Variants in FANK1 observed in about 807,000 individuals in gnomAD.
FANK1 encodes fibronectin type III and ankyrin repeat domains 1.
A neutral mutation model predicts 45.3 loss-of-function variants in FANK1; 44 were observed. The ratio of observed to expected loss-of-function variants is 0.97; its 90% CI spans 0.76 to 1.25. The LOEUF (loss-of-function observed/expected upper bound fraction) is 1.25, where lower values mean the gene tolerates loss of function less well. Ranked by LOEUF, FANK1 falls within the 50% of genes most tolerant of loss-of-function variation. The probability of loss-of-function intolerance (pLI) is 0.00; values close to 1 mark genes in which losing one functional copy is unlikely to be tolerated. For missense variants in FANK1, 391 were observed against 424.4 expected, an observed-to-expected ratio of 0.92 and a Z score of 0.69; for synonymous variants, 149 against 152.5, an observed-to-expected ratio of 0.98 and a Z score of 0.17.
rs1951984607 is a variant in FANK1 at position 125,992,062 on chromosome 10, A to G, written c.317-3355A>G. On this transcript the variant is annotated intron_variant, in intron 3 of 10. Transcript: ENST00000368693. Reference sequence around the variant, plus strand: ...GCAACACTCAGGGTAAAACACTAGAAAAACCCGCAGAGCAATGGCCGGCCT... The same window carrying G: ...GCAACACTCAGGGTAAAACACTAGAGAAACCCGCAGAGCAATGGCCGGCCT... Among the ~76,000 whole-genome samples, 5 of 152,196 alleles carry G rather than the reference A, an allele frequency of 3.3e-5. No individual in the cohort carries two copies. The South Asian group carries it at 1.0e-3, about 31-fold the overall frequency.
chr10:125,933,749 C>G (rs1483557775), intron 1 of FANK1, among the ~76,000 whole-genome samples: 1 of 152,052 alleles, frequency 6.6e-6, no homozygotes, highest in African/African-American at 2.4e-5. Context: ...CTTTTTCAAT[C>G]TTTTTGATTT....
intron 1 of FANK1, among the ~76,000 whole-genome samples, chr10:125,904,765 T>G (rs1275849179): frequency 6.6e-6 from 1 of 152,212 alleles, no homozygotes; most frequent in Non-Finnish European, 1.5e-5. Context: ...TTTAGACTAC[T>G]TTTGGTATCA....
At chr10:125,967,611 T>C (rs547525587) in intron 1 of FANK1, among the ~76,000 whole-genome samples, 2 of 152,316 alleles carry the variant, frequency 1.3e-5, no homozygotes, top group African/African-American at 4.8e-5. Flanking sequence ...TATTCATTTA[T>C]TTATTTTTTT....
In FANK1 at chr10:125,973,358, G is replaced by A. The variant is rs3740188; in HGVS notation, c.14-6803G>A. 231 of 834,226 alleles carry A rather than the reference G, an allele frequency of 2.8e-4. 1 individual carries two copies. Among genetic ancestry groups the A allele is most frequent in the Middle Eastern group, 6.1e-4 (1 of 1,640 alleles). The allele number at this position is 834,226 out of a possible 1,614,324, so 51.7% of individuals were successfully genotyped here. ...TAATCCATAACAGTCTACCATTCCT[G>A]GTGTTTGGTTTTAGTGGGCTGTGAA... On this transcript the variant is annotated intron_variant, in intron 1 of 10. Coordinates refer to ENST00000368693, the MANE Select transcript of FANK1 (RefSeq NM_145235.5).
At chr10:125,918,585 A>AAAT (rs1554913277) in intron 1 of FANK1, among the ~76,000 whole-genome samples, 26 of 70,976 alleles carry the variant, frequency 3.7e-4, no homozygotes, top group African/African-American at 1.3e-3. Flanking sequence ...AAAAAAAAAA[A>AAAT]ATATATATAT....
At chr10:125,940,958 A>T (rs1053088252) in intron 1 of FANK1, among the ~76,000 whole-genome samples, 11 of 152,250 alleles carry the variant, frequency 7.2e-5, no homozygotes, top group Non-Finnish European at 1.2e-4. Context: ...GGCTAAAGTT[A>T]CAGATTAATA....
At chr10:125,999,051 C>CAT (rs1952555121) in intron 6 of FANK1, among the ~76,000 whole-genome samples, 1 of 152,148 alleles carries the variant, frequency 6.6e-6, no homozygotes, top group Non-Finnish European at 1.5e-5. Context: ...CTCTTCCATC[C>CAT]CTCCTATGAG....
At chr10:125,914,011 C>T (rs1054786884) in intron 1 of FANK1, among the ~76,000 whole-genome samples, 1 of 152,090 alleles carries the variant, frequency 6.6e-6, no homozygotes, top group African/African-American at 2.4e-5. Flanking sequence ...TCTCCTTCTC[C>T]ACCCAGCAGT....
intron 1 of FANK1, among the ~76,000 whole-genome samples, chr10:125,912,108 G>C (rs1946059973): frequency 6.6e-6 from 1 of 152,186 alleles, no homozygotes; most frequent in South Asian, 2.1e-4. Flanking sequence ...GATGTTGACT[G>C]GTTGACATAA....
In FANK1 at chr10:125,938,584, G is replaced by A. The variant is rs577498487; in HGVS notation, c.14-41577G>A. ...AGCACTTTGGGAGGCCGAGGTGGGC[G>A]GATCACTTGAGGTCAGGAGTTCGAG... On this transcript the variant is annotated intron_variant, in intron 1 of 10. Transcript: ENST00000368693. Among the ~76,000 whole-genome samples the A allele has an allele frequency of 1.5e-4, 23 of 152,218 alleles. 1 individual carries two copies. Among genetic ancestry groups the A allele is most frequent in the South Asian group, 4.1e-4 (2 of 4,820 alleles).
intron 5 of FANK1, among the ~76,000 whole-genome samples, chr10:125,996,999 TTATC>T (rs1179960981): frequency 2.9e-4 from 44 of 152,182 alleles, no homozygotes; most frequent in Admixed American, 2.8e-3. Flanking sequence ...TACACTCTCA[TTATC>T]TGTTCCACAC....
At chr10:125,918,585 AATATATATAT>A (rs1197525883) in intron 1 of FANK1, among the ~76,000 whole-genome samples, 2 of 70,976 alleles carry the variant, frequency 2.8e-5, no homozygotes, top group Non-Finnish European at 4.5e-5. Flanking sequence ...AAAAAAAAAA[AATATATATAT>A]ATATATATAT....
chr10:125,900,708 G>T (rs1017722209), intron 1 of FANK1, among the ~76,000 whole-genome samples: 8 of 152,108 alleles, frequency 5.3e-5, no homozygotes, highest in African/African-American at 1.2e-4. Context: ...CTGCAGTGTG[G>T]TGGCACTAGC....
chr10:125,997,549 C>T (rs1336530483), intron 6 of FANK1, 64 bp downstream of exon 6: 1 of 1,475,230 alleles, frequency 6.8e-7, no homozygotes, highest in Admixed American at 1.8e-5. Flanking sequence ...TAGGCTTGTG[C>T]CCAGAGGGGT....
chr10:125,901,131 A>G (rs978749453), intron 1 of FANK1, among the ~76,000 whole-genome samples: 6 of 152,294 alleles, frequency 3.9e-5, no homozygotes, highest in African/African-American at 1.4e-4. Flanking sequence ...TAAGAGATCT[A>G]AGGTATTTCA....
intron 2 of FANK1, among the ~76,000 whole-genome samples, chr10:125,981,383 C>T (rs1382292703): frequency 6.6e-6 from 1 of 151,310 alleles, no homozygotes; most frequent in Non-Finnish European, 1.5e-5. Context: ...TGGCTTATGC[C>T]TGTAGTCCCG....
rs913246499 is a variant in FANK1 at position 125,907,478 on chromosome 10, G to T, written c.13+10823G>T. ...TTAGTGTGGATGGGATCACTGCTCA[G>T]CCTTTTGGATGAAATCGAGTGAACG... On this transcript the variant is annotated intron_variant, in intron 1 of 10. Coordinates refer to ENST00000368693, the MANE Select transcript of FANK1 (RefSeq NM_145235.5). The T allele has an allele frequency of 3.0e-6, 3 of 985,088 alleles. No individual in the cohort carries two copies. In the African/African-American group the frequency reaches 5.2e-5, roughly 17 times the overall value. The allele number at this position is 985,088 out of a possible 1,614,324, so 61.0% of individuals were successfully genotyped here.
At chr10:125,922,553 G>T (rs1408671015) in intron 1 of FANK1, among the ~76,000 whole-genome samples, 3 of 152,218 alleles carry the variant, frequency 2.0e-5, no homozygotes, top group African/African-American at 7.2e-5. Context: ...GTCTCACTCT[G>T]TTGCCCAGGC....
chr10:125,923,717 AG>A (rs1477873328), intron 1 of FANK1, among the ~76,000 whole-genome samples: 1 of 151,780 alleles, frequency 6.6e-6, no homozygotes, highest in East Asian at 2.0e-4. Context: ...TGGTAGAGAC[AG>A]GGTTTTGCCA....
Sources: allele counts gnomAD v4.1 joint callset (sites outside exome capture counted in the v4.1 genomes callset), GRCh38; gene constraint gnomAD v4.1.1; transcripts MANE v1.5; gene names NCBI Gene and HGNC (gene_info 2026-07-23, HGNC 2026-07-21).